Variants in CFAP206 observed in about 807,000 individuals in gnomAD.
CFAP206 encodes cilia and flagella associated protein 206, also known as cilia- and flagella-associated protein 206.
Under a neutral mutation model 65.4 loss-of-function variants are expected in CFAP206, and 53 were observed. That is an observed-to-expected ratio of 0.81 (90% CI 0.65 to 1.02). The LOEUF (loss-of-function observed/expected upper bound fraction) is 1.02. Among genes scored for constraint, CFAP206 ranks in the 50% least tolerant of loss-of-function variants. The pLI is 0.00. For missense variants in CFAP206, 663 were observed against 753.2 expected (o/e 0.88, Z 1.40); for synonymous variants, 250 against 254.4 (o/e 0.98, Z 0.17).
chr6:87,428,665 C>A lies in CFAP206; in HGVS notation c.1000C>A (p.Gln334Lys). 6.2e-7 allele frequency: 1 copy of A among 1,614,116 alleles called. No individual in the cohort carries two copies. The highest frequency in any genetic ancestry group is 8.5e-7 in the Non-Finnish European group (1 of 1,180,004). ...IALSTLWTSL[Q>K]DETIVVGVLS... ...ACTTTCTACTCTGTGGACCAGCTTG[C>A]AAGACGAAACTATTGTGGTTGGTGT... is the stretch of plus-strand genomic sequence containing the variant. Residue 334 changes from glutamine to lysine, a missense_variant, in exon 9 of 13, where the codon CAA (glutamine) becomes AAA (lysine). Physicochemically the swap from Gln to Lys is moderately conservative, Grantham distance 53. Coordinates refer to ENST00000369562, the MANE Select transcript of CFAP206 (RefSeq NM_001031743.3).
intron 10 of CFAP206, among the ~76,000 whole-genome samples, chr6:87,434,193 C>T (rs760644266): frequency 3.3e-5 from 5 of 152,054 alleles, no homozygotes; most frequent in East Asian, 3.9e-4. Context: ...CTTGAGTCCA[C>T]GAGTTCGAGA....
At chr6:87,413,371 G>C (rs937037936) in intron 3 of CFAP206, among the ~76,000 whole-genome samples, 32 of 152,284 alleles carry the variant, frequency 2.1e-4, no homozygotes, top group South Asian at 4.1e-4. Flanking sequence ...AAATAACTCA[G>C]AAAGTAAAAT....
chr6:87,451,749 C>T (rs1768547553), intron 11 of CFAP206, among the ~76,000 whole-genome samples: 1 of 152,036 alleles, frequency 6.6e-6, no homozygotes, highest in Non-Finnish European at 1.5e-5. Flanking sequence ...GGCCTTAGCT[C>T]CTGAAGGGCA....
At chr6:87,444,593 C>T in intron 11 of CFAP206, 1 of 304,430 alleles carries the variant, frequency 3.3e-6, no homozygotes, top group African/African-American at 2.2e-5. Context: ...CCATTCCAGG[C>T]ATTCCTTCAT....
chr6:87,437,300 A>G (rs967776722), intron 11 of CFAP206, among the ~76,000 whole-genome samples: 1 of 152,082 alleles, frequency 6.6e-6, no homozygotes, highest in African/African-American at 2.4e-5. Context: ...TTTTTCTGAT[A>G]GTGATGTTTA....
At chr6:87,455,131 G>A (rs1050021590) in intron 11 of CFAP206, among the ~76,000 whole-genome samples, 9 of 151,694 alleles carry the variant, frequency 5.9e-5, no homozygotes, top group East Asian at 2.0e-4. Flanking sequence ...CATGTTGGCC[G>A]GGCTGGACTT....
At chr6:87,448,816 A>G (rs1768491799) in intron 11 of CFAP206, among the ~76,000 whole-genome samples, 1 of 152,072 alleles carries the variant, frequency 6.6e-6, no homozygotes. Context: ...AGTTCAATCC[A>G]TGTTGCTGTA....
chr6:87,449,436 C>CAA (rs34540279), intron 11 of CFAP206, among the ~76,000 whole-genome samples: 477 of 50,822 alleles, frequency 9.4e-3, no homozygotes, highest in East Asian at 0.015. Flanking sequence ...GACTCCATCT[C>CAA]AAAAAAAAAA....
chr6:87,433,174 C>A (rs961368069), intron 10 of CFAP206, among the ~76,000 whole-genome samples: 9 of 152,204 alleles, frequency 5.9e-5, no homozygotes, highest in African/African-American at 2.2e-4. Flanking sequence ...TTCAGCCTTC[C>A]CTAATCACTC....
intron 12 of CFAP206, among the ~76,000 whole-genome samples, chr6:87,462,614 T>C (rs1309183459): frequency 6.6e-6 from 1 of 152,200 alleles, no homozygotes; most frequent in Non-Finnish European, 1.5e-5. Flanking sequence ...TGATATTTTA[T>C]GTTGCTTTTG....
At chr6:87,450,834 G>A (rs572533893) in intron 11 of CFAP206, among the ~76,000 whole-genome samples, 10 of 152,200 alleles carry the variant, frequency 6.6e-5, no homozygotes, top group South Asian at 2.1e-4. Context: ...ACCCCTCCCC[G>A]CATGCCCCAG....
chr6:87,458,371 T>C (rs989495251), intron 11 of CFAP206, among the ~76,000 whole-genome samples: 48 of 152,264 alleles, frequency 3.2e-4, no homozygotes, highest in African/African-American at 1.2e-3. Flanking sequence ...TGCACTCCCA[T>C]ATTTATTACA....
At position 87,415,717 on chromosome 6, in the gene CFAP206, A is replaced by G; in HGVS notation, c.315A>G (p.Leu105=). ...TTCTCGAAGAACATCACCGGGTCCT[A>G]GAGTCTAGATTAGGCTCTGTTACCC... ...VEFLEEHHRV[L]ESRLGSVTRE... Residue 105 remains leucine, a synonymous_variant, in exon 5 of 13, where the codon CTA becomes CTG. Transcript: ENST00000369562. 6.2e-7 allele frequency: 1 copy of G among 1,611,282 alleles called. No individual in the cohort carries two copies. The highest frequency in any genetic ancestry group is 8.5e-7 in the Non-Finnish European group (1 of 1,178,806).
chr6:87,455,687 C>T (rs1659909233), intron 11 of CFAP206, among the ~76,000 whole-genome samples: 1 of 152,070 alleles, frequency 6.6e-6, no homozygotes, highest in South Asian at 2.1e-4. Flanking sequence ...GACATTACAA[C>T]TGATATCACA....
intron 11 of CFAP206, among the ~76,000 whole-genome samples, chr6:87,458,789 A>G (rs1466472945): frequency 6.6e-6 from 1 of 152,156 alleles, no homozygotes; most frequent in Non-Finnish European, 1.5e-5. Context: ...TTTGTTGTAC[A>G]TTTCAGAATA....
chr6:87,411,651 A>G (rs1042714737), intron 3 of CFAP206, among the ~76,000 whole-genome samples: 8 of 152,148 alleles, frequency 5.3e-5, no homozygotes, highest in Admixed American at 5.2e-4. Context: ...CAGGTCTTAC[A>G]TTTAAGTCTT....
At chr6:87,419,421 A>G (rs1195067479) in intron 7 of CFAP206, among the ~76,000 whole-genome samples, 1 of 152,208 alleles carries the variant, frequency 6.6e-6, no homozygotes, top group Non-Finnish European at 1.5e-5. Context: ...AATCTTACAA[A>G]TATAAAACAG....
In CFAP206 at chr6:87,435,031, A is replaced by T. The variant is rs1306320867; in HGVS notation, c.1472A>T (p.Glu491Val). The T allele has an allele frequency of 1.9e-6, 3 of 1,603,480 alleles. No individual in the cohort carries two copies. The highest frequency in any genetic ancestry group is 2.6e-6 in the Non-Finnish European group (3 of 1,175,460). ...IQLLELHQQF[E>V]TFIPYSQMRD... ...CTATTGGAACTTCATCAACAGTTTG[A>T]AACATTTATTCCATATTCTCAGGTA... is the stretch of plus-strand genomic sequence containing the variant. Residue 491 changes from glutamate to valine, a missense_variant, in exon 11 of 13, where the codon GAA becomes GTA. Transcript: ENST00000369562.
At position 87,461,106 on chromosome 6, in the gene CFAP206, A is replaced by G; in HGVS notation, c.1579A>G (p.Thr527Ala). Residue 527 changes from threonine (T) to alanine (A), a missense_variant, in exon 12 of 13, where the codon ACG (threonine) becomes GCG (alanine). Coordinates refer to ENST00000369562, the MANE Select transcript of CFAP206 (RefSeq NM_001031743.3). ...TQTNTHILPPTIVRSYEWNEW... is the reference protein window; with the variant it reads ...TQTNTHILPPAIVRSYEWNEW... ...GACGAATACACACATACTGCCACCA[A>G]CGATTGTGAGATCATATGAGTGGAA... is the stretch of plus-strand genomic sequence containing the variant. The G allele has an allele frequency of 6.3e-7, 1 of 1,593,358 alleles. No homozygotes were observed. The highest frequency in any genetic ancestry group is 8.5e-7 in the Non-Finnish European group (1 of 1,172,942).
Sources: allele counts gnomAD v4.1 joint callset (sites outside exome capture counted in the v4.1 genomes callset), GRCh38; gene constraint gnomAD v4.1.1; transcripts MANE v1.5; gene names NCBI Gene and HGNC (gene_info 2026-07-23, HGNC 2026-07-21).